CDH18: variants seen among roughly 807,000 people sequenced by gnomAD.
CDH18 encodes cadherin-18.
In CDH18, 31 loss-of-function variants were observed where a neutral mutation model predicts 67.9. That is an observed-to-expected ratio of 0.46 (90% CI 0.34 to 0.62). CDH18 has a LOEUF of 0.62. Among genes scored for constraint, CDH18 ranks in the 20% least tolerant of loss-of-function variants. The pLI is 0.01. For missense variants in CDH18, 890 were observed against 975.5 expected (o/e 0.91, Z 1.17); for synonymous variants, 362 against 347.2 (o/e 1.04, Z -0.48).
intron 2 of CDH18, among the ~76,000 whole-genome samples, chr5:19,914,424 T>C (rs1791519747): frequency 6.6e-6 from 1 of 152,106 alleles, no homozygotes; most frequent in Non-Finnish European, 1.5e-5. Context: ...GGTAGTCAAT[T>C]GTTTGCTTAT....
chr5:19,537,487 TCCTC>T (rs1218464703), intron 9 of CDH18, among the ~76,000 whole-genome samples: 2 of 151,946 alleles, frequency 1.3e-5, no homozygotes, highest in Middle Eastern at 3.4e-3. Context: ...CACCCACGCA[TCCTC>T]CCTATCGCTC....
At chr5:20,004,388 C>T (rs574876861) in intron 2 of CDH18, among the ~76,000 whole-genome samples, 4 of 152,296 alleles carry the variant, frequency 2.6e-5, no homozygotes, top group Middle Eastern at 3.4e-3. Flanking sequence ...TAAAGGAGGT[C>T]TAAATATCCA....
At chr5:20,435,325 G>T (rs1749088173) in intron 1 of CDH18, among the ~76,000 whole-genome samples, 1 of 151,970 alleles carries the variant, frequency 6.6e-6, no homozygotes, top group South Asian at 2.1e-4. Flanking sequence ...TGTACAGCCA[G>T]TACTAAGAAA....
intron 2 of CDH18, among the ~76,000 whole-genome samples, chr5:20,165,239 C>T (rs1019712785): frequency 1.3e-5 from 2 of 151,712 alleles, no homozygotes; most frequent in Non-Finnish European, 2.9e-5. Context: ...CATGTCTTCT[C>T]CTTGATTAAA....
At chr5:20,293,372 G>A (rs933987188) in intron 1 of CDH18, among the ~76,000 whole-genome samples, 1 of 152,032 alleles carries the variant, frequency 6.6e-6, no homozygotes, top group Non-Finnish European at 1.5e-5. Context: ...TAGTGGAATG[G>A]ATAAGAGACA....
intron 3 of CDH18, among the ~76,000 whole-genome samples, chr5:19,755,915 G>C (rs1269846061): frequency 6.6e-6 from 1 of 152,034 alleles, no homozygotes; most frequent in Non-Finnish European, 1.5e-5. Flanking sequence ...CCAGCCTACT[G>C]ATTCAAAGGT....
intron 1 of CDH18, among the ~76,000 whole-genome samples, chr5:20,289,551 T>G (rs903311597): frequency 6.6e-6 from 1 of 151,964 alleles, no homozygotes; most frequent in Non-Finnish European, 1.5e-5. Flanking sequence ...TTAGTGCCAA[T>G]TTTGGGACTT....
intron 2 of CDH18, among the ~76,000 whole-genome samples, chr5:19,897,595 T>C (rs1026687414): frequency 3.9e-5 from 6 of 152,088 alleles, no homozygotes; most frequent in African/African-American, 1.4e-4. Context: ...TAAGTACATA[T>C]ATTTTTCCAA....
At chr5:20,534,516 TTA>T (rs1490571732) in intron 1 of CDH18, among the ~76,000 whole-genome samples, 3 of 152,044 alleles carry the variant, frequency 2.0e-5, no homozygotes, top group Non-Finnish European at 4.4e-5. Context: ...AATCAACTGT[TTA>T]TGAGTAAAAA....
At chr5:19,605,519 T>C (rs1747893395) in intron 6 of CDH18, among the ~76,000 whole-genome samples, 1 of 152,054 alleles carries the variant, frequency 6.6e-6, no homozygotes, top group African/African-American at 2.4e-5. Flanking sequence ...AGAGAATACA[T>C]CTAATTATCT....
chr5:19,642,651 C>T (rs1363187110), intron 5 of CDH18, among the ~76,000 whole-genome samples: 3 of 151,868 alleles, frequency 2.0e-5, no homozygotes, highest in Non-Finnish European at 4.4e-5. Flanking sequence ...CCCTTATTCT[C>T]ACTATTTACA....
At chr5:19,598,450 T>G (rs557921338) in intron 6 of CDH18, among the ~76,000 whole-genome samples, 13 of 152,114 alleles carry the variant, frequency 8.5e-5, no homozygotes, top group South Asian at 8.3e-4. Flanking sequence ...TTTGGAAAAT[T>G]TAAAATGTAG....
chr5:20,280,842 T>G (rs1352381962), intron 1 of CDH18, among the ~76,000 whole-genome samples: 10 of 152,206 alleles, frequency 6.6e-5, no homozygotes, highest in Non-Finnish European at 1.3e-4. Context: ...AAAGTGTTCC[T>G]ATTTCTCCAC....
chr5:19,721,498 T>C, intron 4 of CDH18, 32 bp from the exon 5 acceptor site: 1 of 1,592,536 alleles, frequency 6.3e-7, no homozygotes, highest in Non-Finnish European at 8.6e-7. Context: ...TTTTAGTGTG[T>C]GATGGCATTT....
intron 1 of CDH18, among the ~76,000 whole-genome samples, chr5:20,410,231 C>G (rs1223234154): frequency 6.6e-6 from 1 of 151,638 alleles, no homozygotes; most frequent in Non-Finnish European, 1.5e-5. Flanking sequence ...ATACAAAAGT[C>G]TTCAACAAAG....
chr5:19,741,212 T>C (rs895736649), intron 4 of CDH18, among the ~76,000 whole-genome samples: 1 of 143,646 alleles, frequency 7.0e-6, no homozygotes, highest in African/African-American at 2.5e-5. Context: ...ATATGTCATA[T>C]ATGTATATAT....
chr5:20,540,186 G>A (rs984378511), intron 1 of CDH18, among the ~76,000 whole-genome samples: 4 of 152,118 alleles, frequency 2.6e-5, no homozygotes, highest in African/African-American at 9.7e-5. Flanking sequence ...AGAGACTTGT[G>A]TCTTCTAGCA....
chr5:19,948,589 G>C (rs1470471634), intron 2 of CDH18, among the ~76,000 whole-genome samples: 2 of 152,130 alleles, frequency 1.3e-5, no homozygotes, highest in African/African-American at 4.8e-5. Flanking sequence ...TCTGCATCTT[G>C]ATTGTAGTTA....
intron 2 of CDH18, among the ~76,000 whole-genome samples, chr5:20,134,488 G>C (rs1475486568): frequency 6.6e-6 from 1 of 151,920 alleles, no homozygotes; most frequent in Non-Finnish European, 1.5e-5. Context: ...CAGAATTTTA[G>C]TTTTTCTGCT....
Sources: allele counts gnomAD v4.1 joint callset (sites outside exome capture counted in the v4.1 genomes callset), GRCh38; gene constraint gnomAD v4.1.1; transcripts MANE v1.5; gene names NCBI Gene and HGNC (gene_info 2026-07-23, HGNC 2026-07-21).